The following UBE2J2 variants were observed in gnomAD, a reference collection of about 807,000 sequenced individuals.
UBE2J2 encodes ubiquitin conjugating enzyme E2 J2.
UBE2J2 carries 5 observed loss-of-function variants against 28.6 expected under a neutral mutation model. The observed-to-expected ratio is 0.17, with a 90% CI of 0.09 to 0.37. UBE2J2 has a LOEUF of 0.37. Ranked by LOEUF, UBE2J2 falls within the 10% of genes least tolerant of loss-of-function variation. UBE2J2 has a pLI of 1.00. For missense variants in UBE2J2, 226 were observed against 338.9 expected, an observed-to-expected ratio of 0.67 and a Z score of 2.62; for synonymous variants, 138 against 139.7, an observed-to-expected ratio of 0.99 and a Z score of 0.09.
At chr1:1,258,046 TG>T (rs760344227) in intron 3 of UBE2J2, among the ~76,000 whole-genome samples, 2 of 151,802 alleles carry the variant, frequency 1.3e-5, no homozygotes, top group Non-Finnish European at 2.9e-5. Context: ...TGTTTTGTTT[TG>T]TTTTTTTTTT....
Position 1,257,136 on chromosome 1 carries a change from A to C in UBE2J2, c.276-6T>G, listed in dbSNP as rs780063048. The C allele has an allele frequency of 6.2e-7, 1 of 1,609,858 alleles. No homozygotes were observed. Among genetic ancestry groups the C allele is most frequent in the Non-Finnish European group, 8.5e-7 (1 of 1,177,648 alleles). On this transcript the variant is annotated splice_polypyrimidine_tract_variant and splice_region_variant and intron_variant, in intron 4 of 6. Transcript: ENST00000349431. Reference sequence around the variant, plus strand: ...CCGTGATAGAAAGACACAGCCTGCAAAACGGGGGCCCCGTCAGTGCACACT... The same window carrying C: ...CCGTGATAGAAAGACACAGCCTGCACAACGGGGGCCCCGTCAGTGCACACT...
chr1:1,255,240 G>A lies in UBE2J2; in HGVS notation c.743C>T (p.Thr248Met), dbSNP rs1371868313. ...GATGCTCCTCAGCACGTACTTGACC[G>A]TGTAAGCAAAGGCTGCAAACCCAAC... ...VIVGFAAFAY[T>M]VKYVLRSIAQ... The change falls in exon 7 of 7, where the codon ACG (threonine) becomes ATG (methionine). Residue 248 changes from threonine to methionine, a missense_variant. Transcript: ENST00000349431. The A allele has an allele frequency of 2.5e-6, 4 of 1,611,638 alleles. No individual in the cohort carries two copies. Among genetic ancestry groups the A allele is most frequent in the Non-Finnish European group, 3.4e-6 (4 of 1,178,670 alleles).
chr1:1,256,318 T>A (rs1224235428), intron 5 of UBE2J2, 193 bp from the exon 6 acceptor site: 1 of 532,224 alleles, frequency 1.9e-6, no homozygotes, highest in African/African-American at 1.9e-5. Context: ...ATTCATGATA[T>A]CACACTTGAT....
intron 1 of UBE2J2, among the ~76,000 whole-genome samples, chr1:1,270,368 G>T (rs576507297): frequency 6.6e-6 from 1 of 152,234 alleles, no homozygotes; most frequent in African/African-American, 2.4e-5. Flanking sequence ...AGCCTGTTTA[G>T]TGTCTGCTCC....
intron 3 of UBE2J2, 197 bp downstream of exon 3, chr1:1,263,149 G>GT: frequency 1.7e-6 from 1 of 605,430 alleles, no homozygotes; most frequent in Admixed American, 2.6e-5. Context: ...GGCCCTGCAG[G>GT]CTGAGACACA....
intron 3 of UBE2J2, among the ~76,000 whole-genome samples, chr1:1,260,000 A>G (rs1160666497): frequency 6.6e-6 from 1 of 152,162 alleles, no homozygotes; most frequent in African/African-American, 2.4e-5. Context: ...TCCCTCCCAT[A>G]GATCCTAAAT....
At chr1:1,263,821 C>A (rs1239559872) in intron 2 of UBE2J2, among the ~76,000 whole-genome samples, 1 of 145,228 alleles carries the variant, frequency 6.9e-6, no homozygotes, top group Non-Finnish European at 1.5e-5. Flanking sequence ...AGCAAGACCC[C>A]ACCTTTATTT....
At chr1:1,259,690 C>T (rs1243286800) in intron 3 of UBE2J2, among the ~76,000 whole-genome samples, 2 of 152,200 alleles carry the variant, frequency 1.3e-5, no homozygotes, top group East Asian at 1.9e-4. Flanking sequence ...GCCCGCCCTA[C>T]GCACTGTCCC....
At chr1:1,256,963 G>A (rs1271787409) in intron 5 of UBE2J2, 29 bp downstream of exon 5, 15 of 1,455,004 alleles carry the variant, frequency 1.0e-5, no homozygotes, top group Non-Finnish European at 1.2e-5. Flanking sequence ...AAGGCTGACG[G>A]CCCACCAGGG....
chr1:1,266,235 G>A (rs1260973451), intron 2 of UBE2J2: 3 of 1,184,204 alleles, frequency 2.5e-6, no homozygotes, highest in Non-Finnish European at 3.3e-6. Flanking sequence ...CAGAGAAGGT[G>A]GACCCCTGAC....
chr1:1,257,063 G>A lies in UBE2J2; in HGVS notation c.343C>T (p.Leu115=). Residue 115 remains leucine, a synonymous_variant, in exon 5 of 7, where the codon CTG becomes TTG. Transcript: ENST00000349431. ...WNPAWSVSTI[L]TGLLSFMVEK... ...ACCATGAAGCTCAGGAGCCCAGTCA[G>A]GATGGTGGAGACAGACCAGGCCGGG... The A allele has an allele frequency of 6.2e-7, 1 of 1,613,402 alleles. No individual in the cohort carries two copies. Among genetic ancestry groups the A allele is most frequent in the South Asian group, 1.1e-5 (1 of 91,044 alleles).
At chr1:1,266,607 G>C (rs559733296) in intron 2 of UBE2J2, among the ~76,000 whole-genome samples, 1 of 152,084 alleles carries the variant, frequency 6.6e-6, no homozygotes, top group African/African-American at 2.4e-5. Context: ...GGATCACGAG[G>C]TCAGGAGATC....
In UBE2J2 at chr1:1,268,823, G is replaced by A. The variant is rs1168316379; in HGVS notation, c.1-831C>T. Among the ~76,000 whole-genome samples, 1 of 151,368 alleles carries A rather than the reference G, an allele frequency of 6.6e-6. No homozygotes were observed. The highest frequency in any genetic ancestry group is 2.4e-5 in the African/African-American group (1 of 41,208). On this transcript the variant is annotated intron_variant, in intron 1 of 6. Transcript: ENST00000349431. This position sits in a 1 kb window ranked among gnomAD's most constrained non-coding sequence, Gnocchi z 4.7. ...CTCCTGAGTAGCTGAGACTACAGAC[G>A]CATGCCACCACGCCTAGCTAATTTT...
intron 4 of UBE2J2, 31 bp downstream of exon 4, chr1:1,257,177 A>G (rs1283945300): frequency 6.2e-7 from 1 of 1,602,488 alleles, no homozygotes; most frequent in East Asian, 2.2e-5. Context: ...CCGCAGCCAG[A>G]AAGCCTCCGC....
chr1:1,255,948 T>C, intron 6 of UBE2J2, 97 bp downstream of exon 6: 1 of 907,324 alleles, frequency 1.1e-6, no homozygotes, highest in Non-Finnish European at 1.8e-6. Flanking sequence ...CCTGGGGAGG[T>C]CTGCAGCTTC....
intron 5 of UBE2J2, chr1:1,256,352 A>C: frequency 2.2e-6 from 1 of 450,104 alleles, no homozygotes; most frequent in Non-Finnish European, 4.0e-6. Context: ...AGGGAAAAAC[A>C]AGCCACCAAA....
intron 1 of UBE2J2, among the ~76,000 whole-genome samples, chr1:1,269,301 G>A (rs1640032916): frequency 6.8e-6 from 1 of 147,560 alleles, no homozygotes; most frequent in East Asian, 2.0e-4. Flanking sequence ...AAGCCCCTCA[G>A]CCACACCCGA....
intron 2 of UBE2J2, among the ~76,000 whole-genome samples, chr1:1,264,259 C>A (rs923493641): frequency 6.6e-6 from 1 of 152,186 alleles, no homozygotes; most frequent in South Asian, 2.1e-4. Context: ...AGCAGCAAAT[C>A]GACTAAACAC....
chr1:1,257,189 G>A lies in UBE2J2; in HGVS notation c.275+19C>T. The A allele has an allele frequency of 1.9e-6, 3 of 1,602,356 alleles. No homozygotes were observed. The highest frequency in any genetic ancestry group is 8.5e-7 in the Non-Finnish European group (1 of 1,172,168). On this transcript the variant is annotated intron_variant, in intron 4 of 6. Transcript: ENST00000349431. ...CCACCGCAGCCAGAAAGCCTCCGCGGCCCCTCCAGGCACCTTACCTGGTGT... is the reference window on the plus strand; with the variant it reads ...CCACCGCAGCCAGAAAGCCTCCGCGACCCCTCCAGGCACCTTACCTGGTGT...
Sources: allele counts gnomAD v4.1 joint callset (sites outside exome capture counted in the v4.1 genomes callset), GRCh38; gene constraint gnomAD v4.1.1; non-coding constraint Gnocchi (gnomAD v3.1); transcripts MANE v1.5; gene names NCBI Gene and HGNC (gene_info 2026-07-23, HGNC 2026-07-21).